L3MBTL4: variants seen among roughly 807,000 people sequenced by gnomAD.
L3MBTL4 encodes L3MBTL histone methyl-lysine binding protein 4, also known as lethal(3)malignant brain tumor-like protein 4.
A neutral mutation model predicts 84.5 loss-of-function variants in L3MBTL4; 70 were observed. The observed-to-expected ratio is 0.83, with a 90% CI of 0.68 to 1.01. The LOEUF (loss-of-function observed/expected upper bound fraction) is 1.01, where lower values mean the gene tolerates loss of function less well. Among genes scored for constraint, L3MBTL4 ranks in the 50% least tolerant of loss-of-function variants. L3MBTL4 has a pLI of 0.00. For synonymous variants in L3MBTL4, 274 were observed against 259.8 expected (o/e 1.05, Z -0.52); for missense variants, 715 against 754.8 (o/e 0.95, Z 0.62).
At chr18:5,989,507 A>G (rs7236654) in intron 16 of L3MBTL4, among the ~76,000 whole-genome samples, 29,685 of 152,146 alleles carry the variant, frequency 0.2, 4,856 homozygotes, top group African/African-American at 0.44. Context: ...CAGTGTGCTA[A>G]ATGAAGGACA....
At chr18:6,015,691 G>C (rs1392174144) in intron 16 of L3MBTL4, among the ~76,000 whole-genome samples, 1 of 152,196 alleles carries the variant, frequency 6.6e-6, no homozygotes, top group Admixed American at 6.5e-5. Context: ...GGGTGCGGTG[G>C]CTCACGCCTG....
intron 13 of L3MBTL4, among the ~76,000 whole-genome samples, chr18:6,143,925 C>T (rs568238844): frequency 1.1e-3 from 168 of 152,208 alleles, no homozygotes; most frequent in African/African-American, 3.8e-3. Context: ...CGGCTGGGCG[C>T]GGTGGCTCAC....
At chr18:6,120,650 A>T (rs534633273) in intron 14 of L3MBTL4, among the ~76,000 whole-genome samples, 2 of 152,262 alleles carry the variant, frequency 1.3e-5, no homozygotes, top group East Asian at 3.9e-4. Context: ...CTGTAGGGGT[A>T]ATTACCAGGC....
intron 1 of L3MBTL4, among the ~76,000 whole-genome samples, chr18:6,320,264 T>A (rs1296684182): frequency 3.9e-5 from 6 of 151,946 alleles, no homozygotes; most frequent in Admixed American, 6.6e-5. Flanking sequence ...TCCCTTCTAC[T>A]CAACAGAGTA....
intron 5 of L3MBTL4, among the ~76,000 whole-genome samples, chr18:6,251,520 T>C (rs1407453438): frequency 3.9e-5 from 6 of 152,216 alleles, no homozygotes; most frequent in Non-Finnish European, 7.3e-5. Context: ...ATAAAAACCC[T>C]ATGCAGTGTT....
Position 6,343,513 on chromosome 18 carries a change from A to T in L3MBTL4, c.-90-31457T>A, listed in dbSNP as rs372916083. 8.5e-4 allele frequency among the ~76,000 whole-genome samples: 130 copies of T among 152,098 alleles called. 2 individuals carry two copies. Among genetic ancestry groups the T allele is most frequent in the South Asian group, 7.1e-3 (34 of 4,818 alleles). On this transcript the variant is annotated intron_variant, in intron 1 of 18. Coordinates refer to ENST00000317931, the MANE Select transcript of L3MBTL4 (RefSeq NM_001330559.2). ...CCCGTCTCTACTAAAAATACAAAAA[A>T]AATTAGCCGGGCATGGTGGGCACCT...
At chr18:6,242,010 A>G (rs1468664451) in intron 7 of L3MBTL4, among the ~76,000 whole-genome samples, 2 of 152,134 alleles carry the variant, frequency 1.3e-5, no homozygotes, top group Non-Finnish European at 2.9e-5. Context: ...TCTCCCATTA[A>G]AAACTGCTGC....
intron 1 of L3MBTL4, among the ~76,000 whole-genome samples, chr18:6,330,003 A>C (rs937662719): frequency 3.3e-5 from 5 of 152,200 alleles, no homozygotes; most frequent in African/African-American, 1.2e-4. Context: ...TAGACAGTTC[A>C]CCTTTCCTCT....
intron 12 of L3MBTL4, among the ~76,000 whole-genome samples, chr18:6,204,001 C>A (rs1052154327): frequency 6.6e-6 from 1 of 152,162 alleles, no homozygotes; most frequent in African/African-American, 2.4e-5. Flanking sequence ...GCCCAGCCTG[C>A]CTCATGTCAC....
Position 6,285,809 on chromosome 18 carries a change from ATAT to A in L3MBTL4, c.127+16091_127+16093del, listed in dbSNP as rs139613072. On this transcript the variant is annotated intron_variant, in intron 4 of 18. Transcript: ENST00000317931. ...GGACCAATGAACTTTTTTAAAAGAT[ATAT>A]TATTATTATTATTATTATTATTATT... Among the ~76,000 whole-genome samples, 919 of 143,214 alleles carry A rather than the reference ATAT, an allele frequency of 6.4e-3. 3 individuals are homozygous for A. Among genetic ancestry groups the A allele is most frequent in the African/African-American group, 0.011 (439 of 38,818 alleles). 94.0% of individuals were successfully genotyped at this position (143,214 alleles called of 152,430 possible).
intron 4 of L3MBTL4, among the ~76,000 whole-genome samples, chr18:6,269,750 T>C (rs1196192048): frequency 6.6e-6 from 1 of 152,168 alleles, no homozygotes; most frequent in Non-Finnish European, 1.5e-5. Flanking sequence ...CATGTTTATA[T>C]ACAAATACAA....
intron 16 of L3MBTL4, among the ~76,000 whole-genome samples, chr18:5,978,998 T>C (rs2053086745): frequency 6.6e-6 from 1 of 152,158 alleles, no homozygotes; most frequent in Admixed American, 6.5e-5. Context: ...TATTTGTTTT[T>C]GTAACCTCCA....
chr18:6,274,654 T>C (rs2049006386), intron 4 of L3MBTL4, among the ~76,000 whole-genome samples: 1 of 152,208 alleles, frequency 6.6e-6, no homozygotes. Flanking sequence ...CCCTGCCTAT[T>C]GTTTTTGTGG....
intron 1 of L3MBTL4, among the ~76,000 whole-genome samples, chr18:6,408,004 G>A (rs555166916): frequency 2.6e-5 from 4 of 152,204 alleles, no homozygotes; most frequent in African/African-American, 7.2e-5. Flanking sequence ...CCACCAGAGA[G>A]AGAAGATACC....
chr18:6,108,976 G>A (rs2059102565), intron 14 of L3MBTL4, among the ~76,000 whole-genome samples: 1 of 152,130 alleles, frequency 6.6e-6, no homozygotes, highest in Admixed American at 6.5e-5. Flanking sequence ...TCAAATATTG[G>A]TATTCTCCAG....
chr18:6,359,524 A>G (rs1172419999), intron 1 of L3MBTL4, among the ~76,000 whole-genome samples: 2 of 152,234 alleles, frequency 1.3e-5, no homozygotes, highest in African/African-American at 4.8e-5. Flanking sequence ...AGTTTTCTCT[A>G]AACACTTTTT....
chr18:6,227,837 A>AT lies in L3MBTL4; in HGVS notation c.784+10126dup, dbSNP rs993646713. Among the ~76,000 whole-genome samples, 12 of 151,472 alleles carry AT rather than the reference A, an allele frequency of 7.9e-5. No homozygotes were observed. In the South Asian group the frequency reaches 1.9e-3, roughly 24 times the overall value. ...AGGTGCATGCCGCCACACCTAGCTA[A>AT]TTTTTTTTTAATAGAGATATAGTCT... is the stretch of plus-strand genomic sequence containing the variant. On this transcript the variant is annotated intron_variant, in intron 10 of 18. Coordinates refer to ENST00000317931, the MANE Select transcript of L3MBTL4 (RefSeq NM_001330559.2).
chr18:6,170,559 C>A (rs187384883), intron 13 of L3MBTL4, among the ~76,000 whole-genome samples: 1 of 152,110 alleles, frequency 6.6e-6, no homozygotes, highest in African/African-American at 2.4e-5. Context: ...CTCTGGGATG[C>A]TTCTGAGACA....
At chr18:6,183,307 G>A (rs192183597) in intron 12 of L3MBTL4, among the ~76,000 whole-genome samples, 16 of 152,224 alleles carry the variant, frequency 1.1e-4, no homozygotes, top group East Asian at 1.9e-4. Flanking sequence ...ATCAGTTTAC[G>A]GCTATGACTA....
Sources: allele counts gnomAD v4.1 joint callset (sites outside exome capture counted in the v4.1 genomes callset), GRCh38; gene constraint gnomAD v4.1.1; transcripts MANE v1.5; gene names NCBI Gene and HGNC (gene_info 2026-07-23, HGNC 2026-07-21).